Variants in PRMT8 observed in about 807,000 individuals in gnomAD.
PRMT8 encodes the protein protein arginine methyltransferase 8.
In PRMT8, 7 loss-of-function variants were observed where a neutral mutation model predicts 47.1. The ratio of observed to expected loss-of-function variants is 0.15; its 90% CI spans 0.08 to 0.28. PRMT8 has a LOEUF of 0.28. Ranked by LOEUF, PRMT8 falls within the 10% of genes least tolerant of loss-of-function variation. The pLI, the probability that PRMT8 is intolerant of heterozygous loss-of-function variation, is 1.00. For missense variants in PRMT8, 237 were observed against 505.4 expected (o/e 0.47, Z 5.09); for synonymous variants, 188 against 186.5 (o/e 1.01, Z -0.07).
chr12:3,448,307 C>T (rs1433301689), intron 1 of PRMT8, among the ~76,000 whole-genome samples: 1 of 152,054 alleles, frequency 6.6e-6, no homozygotes, highest in Admixed American at 6.6e-5. Flanking sequence ...GCTTGGTTCC[C>T]CTTTATAATC....
intron 1 of PRMT8, among the ~76,000 whole-genome samples, chr12:3,482,024 A>G (rs1865279193): frequency 6.6e-6 from 1 of 152,248 alleles, no homozygotes; most frequent in African/African-American, 2.4e-5. Flanking sequence ...GGGGAAAGGA[A>G]GGGAGAGGCC....
chr12:3,428,994 CTGTCTCTT>C (rs1864641888), intron 1 of PRMT8, among the ~76,000 whole-genome samples: 1 of 152,122 alleles, frequency 6.6e-6, no homozygotes, highest in African/African-American at 2.4e-5. Flanking sequence ...CTTTGTCTCT[CTGTCTCTT>C]CCTCTCTCTC....
intron 1 of PRMT8, among the ~76,000 whole-genome samples, chr12:3,387,896 G>T (rs370244202): frequency 4.9e-4 from 74 of 152,254 alleles, no homozygotes; most frequent in African/African-American, 1.7e-3. Flanking sequence ...CACTTCAGAA[G>T]AAGAGCATTC....
chr12:3,553,773 C>A, intron 4 of PRMT8, 59 bp downstream of exon 4: 1 of 1,462,044 alleles, frequency 6.8e-7, no homozygotes, highest in Non-Finnish European at 9.6e-7. Flanking sequence ...CTCACACTTT[C>A]TTGTTGGGAT....
At chr12:3,470,706 G>A (rs939471903) in intron 1 of PRMT8, among the ~76,000 whole-genome samples, 2 of 152,030 alleles carry the variant, frequency 1.3e-5, no homozygotes. Flanking sequence ...GGGGATGGGA[G>A]GGGCCTCAGG....
rs1276486299 is a variant in PRMT8, at chr12:3,538,957, C to T, written c.76-1649C>T. On this transcript the variant is annotated intron_variant, in intron 1 of 9. Transcript: ENST00000382622. This position sits in a 1 kb window ranked among gnomAD's most constrained non-coding sequence, Gnocchi z 4.6. ...TGGGAAGATGGGACCATCCCACTGC[C>T]CCCAGCTCACTCCCCTGCAGCCCTG... 6.6e-6 allele frequency among the ~76,000 whole-genome samples: 1 copy of T among 152,210 alleles called. No homozygotes were observed. The highest frequency in any genetic ancestry group is 1.5e-5 in the Non-Finnish European group (1 of 68,044).
At position 3,508,385 on chromosome 12, in the gene PRMT8, T is replaced by A. The variant is rs1317543799; in HGVS notation, c.75+16685T>A. On this transcript the variant is annotated intron_variant, in intron 1 of 9. Coordinates refer to ENST00000382622, the MANE Select transcript of PRMT8 (RefSeq NM_019854.5). This position sits in a 1 kb window ranked among gnomAD's most constrained non-coding sequence, Gnocchi z 4.9. ...CCTGTGTGATTTGTAGTTCATAATA[T>A]GTGAGACATGAGGTACAAGTTTAAT... is the stretch of plus-strand genomic sequence containing the variant. Among the ~76,000 whole-genome samples, 1 of 152,200 alleles carries A rather than the reference T, an allele frequency of 6.6e-6. No homozygotes were observed. The highest frequency in any genetic ancestry group is 1.5e-5 in the Non-Finnish European group (1 of 68,032).
chr12:3,402,667 A>T (rs1864329955), intron 1 of PRMT8, among the ~76,000 whole-genome samples: 1 of 152,150 alleles, frequency 6.6e-6, no homozygotes, highest in Admixed American at 6.6e-5. Context: ...CAAAGAACAC[A>T]AACACTTCTC....
At chr12:3,478,290 AT>A (rs1184118758) in intron 1 of PRMT8, among the ~76,000 whole-genome samples, 29 of 146,058 alleles carry the variant, frequency 2.0e-4, no homozygotes, top group Admixed American at 4.8e-4. Flanking sequence ...CTATCTATCT[AT>A]CTATCTATCT....
At chr12:3,432,062 T>C (rs1192997266) in intron 1 of PRMT8, among the ~76,000 whole-genome samples, 1 of 152,058 alleles carries the variant, frequency 6.6e-6, no homozygotes, top group African/African-American at 2.4e-5. Context: ...TGCCCCCAAG[T>C]CCCCCTAGAA....
intron 1 of PRMT8, among the ~76,000 whole-genome samples, chr12:3,381,941 T>G (rs1287344170): frequency 6.6e-6 from 1 of 152,210 alleles, no homozygotes; most frequent in East Asian, 1.9e-4. Flanking sequence ...TGTAATTTTG[T>G]CATTTCAAGA....
At chr12:3,556,265 T>A (rs1866526366) in intron 4 of PRMT8, among the ~76,000 whole-genome samples, 1 of 151,832 alleles carries the variant, frequency 6.6e-6, no homozygotes, top group African/African-American at 2.4e-5. Context: ...TTAGGGATGG[T>A]GTGTAGCTAG....
At position 3,570,242 on chromosome 12, in the gene PRMT8, T is replaced by TA. The variant is rs1866821273; in HGVS notation, c.712+679dup. 6.6e-6 allele frequency among the ~76,000 whole-genome samples: 1 copy of TA among 152,192 alleles called. No homozygotes were observed. The highest frequency in any genetic ancestry group is 2.4e-5 in the African/African-American group (1 of 41,446). ...AAACTTCTCCTCCCCCGCAATGTTT[T>TA]ACCTGGTCTGAAAAGGGCTGTTATC... On this transcript the variant is annotated intron_variant, in intron 6 of 9. Coordinates refer to ENST00000382622, the MANE Select transcript of PRMT8 (RefSeq NM_019854.5). This position sits in a 1 kb window ranked among gnomAD's most constrained non-coding sequence, Gnocchi z 5.5.
At chr12:3,486,310 A>C (rs1195470999), upstream of PRMT8, among the ~76,000 whole-genome samples, 1 of 152,032 alleles carries the variant, frequency 6.6e-6, no homozygotes, top group Non-Finnish European at 1.5e-5. Flanking sequence ...ACCTATGAGA[A>C]CCAATGCATA....
chr12:3,462,299 C>A (rs1481304327), intron 1 of PRMT8, among the ~76,000 whole-genome samples: 1 of 151,994 alleles, frequency 6.6e-6, no homozygotes, highest in East Asian at 1.9e-4. Flanking sequence ...CCTAAATGCC[C>A]TTCAATGACA....
chr12:3,397,599 C>T (rs1361944738), intron 1 of PRMT8, among the ~76,000 whole-genome samples: 1 of 151,746 alleles, frequency 6.6e-6, no homozygotes, highest in African/African-American at 2.4e-5. Flanking sequence ...CTGGGAGAAC[C>T]ACTGCTCTCT....
chr12:3,519,091 C>T (rs1381617693), intron 1 of PRMT8, among the ~76,000 whole-genome samples: 2 of 152,098 alleles, frequency 1.3e-5, no homozygotes, highest in Admixed American at 1.3e-4. Context: ...GAAGTGACTG[C>T]TAAATCTTTG....
At position 3,456,995 on chromosome 12, in the gene PRMT8, G is replaced by A. The variant is rs1473782566; in HGVS notation, c.48+75553G>A. ...CTGCCATGGCAACTGTAAGGCTGGAGAAATAGAGTTCCAGCGCCACCACTG... is the reference window on the plus strand; with the variant it reads ...CTGCCATGGCAACTGTAAGGCTGGAAAAATAGAGTTCCAGCGCCACCACTG... On this transcript the variant is annotated intron_variant, in intron 1 of 9. Transcript: ENST00000452611. This position sits in a 1 kb window ranked among gnomAD's most constrained non-coding sequence, Gnocchi z 4.2. Among the ~76,000 whole-genome samples the A allele has an allele frequency of 6.6e-6, 1 of 152,228 alleles. No individual in the cohort carries two copies. Among genetic ancestry groups the A allele is most frequent in the African/African-American group, 2.4e-5 (1 of 41,446 alleles).
intron 2 of PRMT8, among the ~76,000 whole-genome samples, chr12:3,545,996 TG>T (rs930962272): frequency 6.6e-6 from 1 of 152,242 alleles, no homozygotes; most frequent in African/African-American, 2.4e-5. Flanking sequence ...ATGCAGAGTA[TG>T]TTTTTTGATC....
Sources: allele counts gnomAD v4.1 joint callset (sites outside exome capture counted in the v4.1 genomes callset), GRCh38; gene constraint gnomAD v4.1.1; non-coding constraint Gnocchi (gnomAD v3.1); transcripts MANE v1.5; gene names NCBI Gene and HGNC (gene_info 2026-07-23, HGNC 2026-07-21).